Variants in PDZRN3 observed in about 807,000 individuals in gnomAD.
PDZRN3 encodes the protein PDZ domain containing ring finger 3, also known as E3 ubiquitin-protein ligase PDZRN3.
PDZRN3 carries 38 observed loss-of-function variants against 85.7 expected under a neutral mutation model. The ratio of observed to expected loss-of-function variants is 0.44; its 90% confidence interval spans 0.34 to 0.58. The LOEUF is 0.58. PDZRN3 is among the 20% of genes least tolerant of loss of function. The pLI, the probability that PDZRN3 is intolerant of heterozygous loss-of-function variation, is 0.01. For missense variants in PDZRN3, 1,629 were observed against 1,506.4 expected (o/e 1.08, Z -1.35); for synonymous variants, 759 against 638.0 (o/e 1.19, Z -2.86).
intron 2 of PDZRN3, among the ~76,000 whole-genome samples, chr3:73,603,886 T>C (rs6768165): frequency 0.23 from 33,364 of 144,890 alleles, 5,907 homozygotes; most frequent in African/African-American, 0.53. Context: ...CACACACACA[T>C]ACACACACAC....
intron 3 of PDZRN3, chr3:73,408,155 T>C (rs111733954): frequency 4.3e-5 from 30 of 703,346 alleles, no homozygotes; most frequent in African/African-American, 4.0e-4. Context: ...TTTTCACAGC[T>C]CAGAGGTGGA....
At position 73,608,606 on chromosome 3, in the gene PDZRN3, G is replaced by T. The variant is rs747863908; in HGVS notation, c.802C>A (p.Pro268Thr). 6 of 1,606,376 alleles carry T rather than the reference G, an allele frequency of 3.7e-6. No individual in the cohort carries two copies. The Admixed American group carries it at 1.0e-4, about 27-fold the overall frequency. The change falls in exon 2 of 10, where the codon CCG becomes ACG. Residue 268 changes from proline (P) to threonine (T), a missense_variant. Pro to Thr is a conservative substitution (Grantham distance 38, BLOSUM62 -1). Coordinates refer to ENST00000263666, the MANE Select transcript of PDZRN3 (RefSeq NM_015009.3). ...TTTAGTAATTAACATACCACACTCGGCCGGCCACCAATAATATTGAATCCC... is the reference window on the plus strand; with the variant it reads ...TTTAGTAATTAACATACCACACTCGTCCGGCCACCAATAATATTGAATCCC... ...SLGFNIIGGR[P>T]SVDNHDGSSS...
chr3:73,405,531 A>G (rs1049232092), intron 3 of PDZRN3, among the ~76,000 whole-genome samples: 4 of 152,232 alleles, frequency 2.6e-5, no homozygotes, highest in African/African-American at 9.6e-5. Context: ...TTAAAAAGCA[A>G]ATGTAAAATG....
chr3:73,591,852 C>T (rs539649314), intron 3 of PDZRN3, among the ~76,000 whole-genome samples: 27 of 152,276 alleles, frequency 1.8e-4, no homozygotes, highest in African/African-American at 6.0e-4. Flanking sequence ...ATACTGGCTG[C>T]CCTTCTAATT....
At chr3:73,601,529 C>A (rs951296371) in intron 3 of PDZRN3, among the ~76,000 whole-genome samples, 7 of 152,128 alleles carry the variant, frequency 4.6e-5, no homozygotes, top group African/African-American at 7.2e-5. Context: ...GAAAGCCAAT[C>A]AATTTAGCCC....
intron 3 of PDZRN3, among the ~76,000 whole-genome samples, chr3:73,490,263 T>C (rs758106668): frequency 7.2e-5 from 11 of 152,178 alleles, no homozygotes; most frequent in Non-Finnish European, 1.3e-4. Context: ...CTTGCTTGGC[T>C]GAAGTTAATG....
chr3:73,555,131 G>A (rs1423264714), intron 3 of PDZRN3, among the ~76,000 whole-genome samples: 1 of 152,078 alleles, frequency 6.6e-6, no homozygotes, highest in African/African-American at 2.4e-5. Flanking sequence ...GTTATTTTTT[G>A]AATCAGAGCC....
chr3:73,453,877 C>T (rs1443286857), intron 3 of PDZRN3, among the ~76,000 whole-genome samples: 2 of 152,092 alleles, frequency 1.3e-5, no homozygotes, highest in Non-Finnish European at 2.9e-5. Flanking sequence ...GCCTCTTATC[C>T]TTGTCCAACA....
intron 3 of PDZRN3, among the ~76,000 whole-genome samples, chr3:73,532,672 T>C (rs753863413): frequency 5.8e-4 from 88 of 152,196 alleles, no homozygotes; most frequent in Non-Finnish European, 1.9e-4. Flanking sequence ...TGCTTTCCAC[T>C]AAACACCCTG....
At chr3:73,543,433 A>C (rs527565191) in intron 3 of PDZRN3, among the ~76,000 whole-genome samples, 7 of 152,254 alleles carry the variant, frequency 4.6e-5, no homozygotes, top group African/African-American at 1.7e-4. Flanking sequence ...GAGTCTTAAC[A>C]TTGAAAAGAA....
chr3:73,487,498 A>G (rs1703685631), intron 3 of PDZRN3, among the ~76,000 whole-genome samples: 1 of 152,188 alleles, frequency 6.6e-6, no homozygotes, highest in Non-Finnish European at 1.5e-5. Context: ...TCAGTTCATT[A>G]CAATACACAA....
In PDZRN3 at chr3:73,384,360, G is replaced by A; in HGVS notation, c.2206C>T (p.Arg736Cys). The change falls in exon 10 of 10, where the codon CGC becomes TGC. Residue 736 changes from arginine to cysteine, a missense_variant. By Grantham distance (180) the Arg-to-Cys change is radical. Coordinates refer to ENST00000263666, the MANE Select transcript of PDZRN3 (RefSeq NM_015009.3). ...GTGATATCTGAGAGCTCGTGTCTGC[G>A]CACGTCGATGCTGGTGTTGTAGTTG... Reference protein sequence around the residue: ...FRNYNTSIDVRRHELSDITEL... With the variant: ...FRNYNTSIDVCRHELSDITEL... The A allele has an allele frequency of 1.9e-6, 3 of 1,609,436 alleles. No homozygotes were observed. The highest frequency in any genetic ancestry group is 2.5e-6 in the Non-Finnish European group (3 of 1,179,936).
At chr3:73,443,482 T>TC (rs1553689603) in intron 3 of PDZRN3, among the ~76,000 whole-genome samples, 3 of 45,400 alleles carry the variant, frequency 6.6e-5, no homozygotes, top group African/African-American at 1.5e-4. Flanking sequence ...CCTTTTTCTT[T>TC]TTTTTTTTTT....
chr3:73,496,400 C>T (rs1202087408), intron 3 of PDZRN3, among the ~76,000 whole-genome samples: 1 of 151,858 alleles, frequency 6.6e-6, no homozygotes, highest in African/African-American at 2.4e-5. Context: ...TTAATAAACT[C>T]TCATGTACCC....
intron 3 of PDZRN3, among the ~76,000 whole-genome samples, chr3:73,485,097 T>A (rs1263386588): frequency 6.6e-6 from 1 of 152,094 alleles, no homozygotes; most frequent in Admixed American, 6.6e-5. Flanking sequence ...ACAAGAAGAA[T>A]GAAGATACCT....
chr3:73,386,583 C>G (rs763882923), intron 8 of PDZRN3, among the ~76,000 whole-genome samples: 10 of 152,344 alleles, frequency 6.6e-5, no homozygotes, highest in Non-Finnish European at 1.2e-4. Context: ...TGGGCTGAAT[C>G]CAGCCTGGTA....
intron 3 of PDZRN3, among the ~76,000 whole-genome samples, chr3:73,553,070 G>A (rs1701600924): frequency 6.6e-6 from 1 of 152,188 alleles, no homozygotes; most frequent in African/African-American, 2.4e-5. Flanking sequence ...GGTTAAAGTA[G>A]AGACTACAAG....
At chr3:73,464,309 C>A (rs1364545938) in intron 3 of PDZRN3, among the ~76,000 whole-genome samples, 1 of 152,026 alleles carries the variant, frequency 6.6e-6, no homozygotes, top group East Asian at 1.9e-4. Context: ...TTGGGTAATT[C>A]CTAGATACTT....
At chr3:73,394,754 C>T (rs960493690) in intron 5 of PDZRN3, among the ~76,000 whole-genome samples, 3 of 152,132 alleles carry the variant, frequency 2.0e-5, no homozygotes, top group East Asian at 1.9e-4. Flanking sequence ...ACCACTTAGC[C>T]TTGGTCATTT....
Sources: gnomAD v4.1 joint callset for allele counts (sites outside exome capture counted in the v4.1 genomes callset) on GRCh38, gnomAD v4.1.1 for gene constraint, MANE v1.5 for transcripts, NCBI Gene and HGNC (gene_info 2026-07-23, HGNC 2026-07-21) for gene names.